NDFIP2: variants seen among roughly 807,000 people sequenced by gnomAD.
NDFIP2 encodes Nedd4 family interacting protein 2.
Under a neutral mutation model 36.0 loss-of-function variants are expected in NDFIP2, and 19 were observed. The ratio of observed to expected loss-of-function variants is 0.53; its 90% confidence interval spans 0.37 to 0.77. NDFIP2 has a LOEUF of 0.77. Ranked by LOEUF, NDFIP2 falls within the 30% of genes least tolerant of loss-of-function variation. NDFIP2 has a pLI of 0.00. For synonymous variants in NDFIP2, 181 were observed against 167.7 expected (o/e 1.08, Z -0.61); for missense variants, 446 against 435.8 (o/e 1.02, Z -0.21).
chr13:79,551,727 C>G (rs929615816), intron 7 of NDFIP2, among the ~76,000 whole-genome samples: 5 of 151,400 alleles, frequency 3.3e-5, no homozygotes, highest in African/African-American at 1.2e-4. Flanking sequence ...AGTTGTCTTA[C>G]TGGTTATCCA....
chr13:79,552,262 A>G lies in NDFIP2; in HGVS notation c.*3-254A>G, dbSNP rs545713895. 2.0e-5 allele frequency among the ~76,000 whole-genome samples: 3 copies of G among 151,524 alleles called. No homozygotes were observed. In the South Asian group the frequency reaches 6.2e-4, roughly 31 times the overall value. ...TAATAATAAGATTAAAAGGCAAAGT[A>G]ATTTTGCTGTTTTACTAATTTGTGT... On this transcript the variant is annotated intron_variant, in intron 7 of 7. Transcript: ENST00000218652.
chr13:79,509,724 C>T (rs1307894999), intron 1 of NDFIP2, among the ~76,000 whole-genome samples: 4 of 151,284 alleles, frequency 2.6e-5, no homozygotes, highest in Non-Finnish European at 5.9e-5. Flanking sequence ...TTAACTCACA[C>T]GATCACAAGG....
intron 1 of NDFIP2, among the ~76,000 whole-genome samples, chr13:79,511,755 A>G (rs993567150): frequency 1.3e-5 from 2 of 152,194 alleles, no homozygotes; most frequent in African/African-American, 4.8e-5. Context: ...AACAAAGCAT[A>G]TTTCCTAAAT....
chr13:79,539,812 A>T lies in NDFIP2; in HGVS notation c.715+37A>T, dbSNP rs1875387422. 6 of 1,545,030 alleles carry T rather than the reference A, an allele frequency of 3.9e-6. No homozygotes were observed. The Admixed American group carries it at 5.0e-5, about 13-fold the overall frequency. ...TCCTAAACTATTTTGGGTTGTTTTT[A>T]TGAATTGGCTGTATGTGTATTAAAG... On this transcript the variant is annotated intron_variant, in intron 4 of 7. Transcript: ENST00000218652.
chr13:79,547,025 A>G (rs1043688169), intron 5 of NDFIP2, among the ~76,000 whole-genome samples: 20 of 151,962 alleles, frequency 1.3e-4, no homozygotes, highest in African/African-American at 4.8e-4. Flanking sequence ...GAAATTTTAA[A>G]TCTCTGAAAT....
chr13:79,508,363 A>G (rs1390169363), intron 1 of NDFIP2, among the ~76,000 whole-genome samples: 1 of 152,242 alleles, frequency 6.6e-6, no homozygotes, highest in South Asian at 2.1e-4. Context: ...GAAAGAAATC[A>G]GGGTGAGTCC....
At chr13:79,507,527 G>C (rs1463610047) in intron 1 of NDFIP2, among the ~76,000 whole-genome samples, 1 of 31,482 alleles carries the variant, frequency 3.2e-5, no homozygotes, top group Non-Finnish European at 5.0e-5. Context: ...GCCCGCCTCG[G>C]CCTCCCAAAG....
At chr13:79,544,379 A>T (rs1280358729) in intron 5 of NDFIP2, among the ~76,000 whole-genome samples, 1 of 152,146 alleles carries the variant, frequency 6.6e-6, no homozygotes, top group Non-Finnish European at 1.5e-5. Flanking sequence ...CAACTTTTCT[A>T]GTCTCCAGAT....
chr13:79,494,935 T>G (rs1176944027), intron 1 of NDFIP2, among the ~76,000 whole-genome samples: 7 of 151,998 alleles, frequency 4.6e-5, no homozygotes, highest in Non-Finnish European at 1.5e-5. Flanking sequence ...TTATTCATCT[T>G]TTTAAAGAAT....
intron 2 of NDFIP2, among the ~76,000 whole-genome samples, chr13:79,524,689 G>A (rs574990105): frequency 3.9e-5 from 6 of 152,286 alleles, no homozygotes; most frequent in African/African-American, 7.2e-5. Flanking sequence ...GGGAGATGAA[G>A]CATTGGTGGA....
intron 5 of NDFIP2, among the ~76,000 whole-genome samples, chr13:79,547,741 T>TTC (rs1456797168): frequency 6.6e-6 from 1 of 152,148 alleles, no homozygotes; most frequent in African/African-American, 2.4e-5. Context: ...CATTTAGCTG[T>TTC]TCTCAGCTCT....
chr13:79,516,545 C>G (rs1874342650), intron 1 of NDFIP2, among the ~76,000 whole-genome samples: 1 of 152,148 alleles, frequency 6.6e-6, no homozygotes, highest in Non-Finnish European at 1.5e-5. Flanking sequence ...TAATATTTAT[C>G]TCATTGCAAT....
chr13:79,497,795 G>GGTGTGTGTGT (rs769463873), intron 1 of NDFIP2, among the ~76,000 whole-genome samples: 2 of 128,912 alleles, frequency 1.6e-5, no homozygotes, highest in Non-Finnish European at 3.4e-5. Context: ...ATCTGTGGGG[G>GGTGTGTGTGT]GTGTGTGTGT....
intron 3 of NDFIP2, among the ~76,000 whole-genome samples, chr13:79,534,350 GTT>G (rs532659161): frequency 1.5e-4 from 14 of 95,404 alleles, no homozygotes; most frequent in African/African-American, 3.2e-4. Flanking sequence ...TTTGTCAGCT[GTT>G]TTTTTTTTTT....
intron 1 of NDFIP2, among the ~76,000 whole-genome samples, chr13:79,506,107 GTTACC>G (rs1373624875): frequency 6.6e-6 from 1 of 151,966 alleles, no homozygotes; most frequent in Non-Finnish European, 1.5e-5. Flanking sequence ...TCTTTAACAT[GTTACC>G]TTCTGTCCTA....
intron 1 of NDFIP2, among the ~76,000 whole-genome samples, chr13:79,519,690 T>G (rs1475797): frequency 0.7 from 106,105 of 152,194 alleles, 38,603 homozygotes; most frequent in African/African-American, 0.91. Context: ...ATCTCAACAT[T>G]TTATTAGCAT....
Position 79,548,363 on chromosome 13 carries a change from G to C in NDFIP2, c.876G>C (p.Gln292His). 1 of 1,594,830 alleles carries C rather than the reference G, an allele frequency of 6.3e-7. No homozygotes were observed. ...ATTTTACTGGATATTTCAATGGACAGTATTGGCTTTGGTGGATATTTCTTG... is the reference window on the plus strand; with the variant it reads ...ATTTTACTGGATATTTCAATGGACACTATTGGCTTTGGTGGATATTTCTTG... ...SDYFTGYFNG[Q>H]YWLWWIFLVL... The change falls in exon 6 of 8, where the codon CAG becomes CAC. Residue 292 changes from glutamine (Q) to histidine (H), a missense_variant. By Grantham distance (24) the Gln-to-His change is conservative. Around this residue, in one of 2 missense-constraint regions of NDFIP2, gnomAD observed 77 missense variants for 131.0 expected, o/e 0.59. Coordinates refer to ENST00000218652, the MANE Select transcript of NDFIP2 (RefSeq NM_019080.3).
chr13:79,490,667 GT>G (rs573799156), intron 1 of NDFIP2, among the ~76,000 whole-genome samples: 108 of 152,226 alleles, frequency 7.1e-4, no homozygotes, highest in Non-Finnish European at 1.2e-3. Context: ...GCTTGCTCTA[GT>G]TTGCCCACCC....
intron 1 of NDFIP2, 29 bp downstream of exon 1, chr13:79,481,553 G>C: frequency 6.6e-7 from 1 of 1,524,696 alleles, no homozygotes; most frequent in Non-Finnish European, 8.8e-7. Context: ...GTGCCTCCCG[G>C]GACTGCCTCC....
Sources: allele counts gnomAD v4.1 joint callset (sites outside exome capture counted in the v4.1 genomes callset), GRCh38; gene constraint gnomAD v4.1.1; regional missense constraint gnomAD v4.1.1; transcripts MANE v1.5; gene names NCBI Gene and HGNC (gene_info 2026-07-23, HGNC 2026-07-21).